The following CLSTN2 variants were observed in gnomAD, a reference collection of about 807,000 sequenced individuals.
The protein encoded by CLSTN2 is calsyntenin-2.
A neutral mutation model predicts 101.2 loss-of-function variants in CLSTN2; 48 were observed. The ratio of observed to expected loss-of-function variants is 0.47; its 90% CI spans 0.38 to 0.60. CLSTN2 has a LOEUF of 0.60. Among genes scored for constraint, CLSTN2 ranks in the 20% least tolerant of loss-of-function variants. CLSTN2 has a pLI of 0.00. For missense variants in CLSTN2, 1,160 were observed against 1,238.2 expected (o/e 0.94, Z 0.95); for synonymous variants, 481 against 463.6 (o/e 1.04, Z -0.48).
At chr3:140,366,952 G>C (rs2087798814) in intron 2 of CLSTN2, among the ~76,000 whole-genome samples, 3 of 152,190 alleles carry the variant, frequency 2.0e-5, no homozygotes, top group Non-Finnish European at 4.4e-5. Flanking sequence ...AGCATCTGCA[G>C]GAAGGCAGGC....
chr3:140,318,767 T>C (rs186491572), intron 2 of CLSTN2, among the ~76,000 whole-genome samples: 76 of 152,352 alleles, frequency 5.0e-4, no homozygotes, highest in African/African-American at 1.7e-3. Flanking sequence ...TTGGAAAGCA[T>C]ACTTTTAGTG....
intron 1 of CLSTN2, among the ~76,000 whole-genome samples, chr3:140,120,587 C>G (rs936122748): frequency 1.3e-5 from 2 of 152,232 alleles, no homozygotes; most frequent in Non-Finnish European, 2.9e-5. Context: ...TTCCAACCCT[C>G]TGATCCTGCC....
At chr3:139,970,547 T>C (rs957818926) in intron 1 of CLSTN2, among the ~76,000 whole-genome samples, 13 of 152,218 alleles carry the variant, frequency 8.5e-5, no homozygotes, top group South Asian at 4.1e-4. Context: ...GATCATTTAT[T>C]GCGTGCTCCT....
intron 8 of CLSTN2, among the ~76,000 whole-genome samples, chr3:140,492,754 C>G (rs147075805): frequency 1.3e-5 from 2 of 152,196 alleles, no homozygotes; most frequent in East Asian, 3.9e-4. Context: ...CCTACTATAT[C>G]CCCCAGAACT....
chr3:140,426,279 C>T (rs995835852), intron 5 of CLSTN2, among the ~76,000 whole-genome samples: 4 of 152,188 alleles, frequency 2.6e-5, no homozygotes, highest in African/African-American at 9.7e-5. Flanking sequence ...GCTCTCCCTC[C>T]TCCCTGCCAC....
chr3:140,369,632 G>T (rs1374536419), intron 2 of CLSTN2, among the ~76,000 whole-genome samples: 1 of 152,146 alleles, frequency 6.6e-6, no homozygotes, highest in African/African-American at 2.4e-5. Flanking sequence ...TTGGCCGCAT[G>T]AGTTGGAGCT....
chr3:139,951,485 A>G (rs1253038641), intron 1 of CLSTN2, among the ~76,000 whole-genome samples: 2 of 152,124 alleles, frequency 1.3e-5, no homozygotes, highest in Non-Finnish European at 2.9e-5. Context: ...GACCAAGCAA[A>G]AGGAGAATCA....
At chr3:140,359,044 C>T (rs2087701638) in intron 2 of CLSTN2, among the ~76,000 whole-genome samples, 1 of 152,086 alleles carries the variant, frequency 6.6e-6, no homozygotes, top group South Asian at 2.1e-4. Flanking sequence ...CAAAGTGTCA[C>T]CTCTCATCTG....
intron 1 of CLSTN2, among the ~76,000 whole-genome samples, chr3:139,985,582 C>G (rs978949137): frequency 6.6e-6 from 1 of 152,152 alleles, no homozygotes; most frequent in South Asian, 2.1e-4. Flanking sequence ...TATGTTCCCA[C>G]GTGCATTGTT....
At chr3:140,371,347 C>T (rs1472356783) in intron 2 of CLSTN2, among the ~76,000 whole-genome samples, 4 of 151,588 alleles carry the variant, frequency 2.6e-5, no homozygotes, top group African/African-American at 4.8e-5. Context: ...GATGGGAAAA[C>T]CTATTCACTG....
rs191984189 is a variant in CLSTN2 at position 140,416,460 on chromosome 3, T to C, written c.638-4665T>C. ...CTTGATCATGGTAGTTATTTAGTAA[T>C]GTATACATATATTAAAACATCACAT... On this transcript the variant is annotated intron_variant, in intron 4 of 16. Coordinates refer to ENST00000458420, the MANE Select transcript of CLSTN2 (RefSeq NM_022131.3). 6.6e-5 allele frequency among the ~76,000 whole-genome samples: 10 copies of C among 152,308 alleles called. No homozygotes were observed. In the East Asian group the frequency reaches 1.5e-3, roughly 23 times the overall value.
intron 7 of CLSTN2, among the ~76,000 whole-genome samples, chr3:140,462,538 G>C (rs1933588089): frequency 6.6e-6 from 1 of 152,182 alleles, no homozygotes; most frequent in Non-Finnish European, 1.5e-5. Flanking sequence ...CACTAAGTTT[G>C]TCTGGTGTAC....
chr3:139,982,921 C>T (rs1044675046), intron 1 of CLSTN2, among the ~76,000 whole-genome samples: 1 of 151,004 alleles, frequency 6.6e-6, no homozygotes, highest in African/African-American at 2.4e-5. Context: ...ATTACATAGA[C>T]TATACACATA....
intron 16 of CLSTN2, among the ~76,000 whole-genome samples, chr3:140,565,155 G>A (rs150540879): frequency 4.6e-5 from 7 of 152,338 alleles, no homozygotes; most frequent in African/African-American, 1.7e-4. Flanking sequence ...AGGCAAGAGT[G>A]TGCCTAACAA....
chr3:140,481,718 T>C (rs911127646), intron 8 of CLSTN2, among the ~76,000 whole-genome samples: 1 of 152,240 alleles, frequency 6.6e-6, no homozygotes, highest in Non-Finnish European at 1.5e-5. Context: ...CAATTGTGAA[T>C]GGGAGTTCAC....
intron 2 of CLSTN2, among the ~76,000 whole-genome samples, chr3:140,254,636 T>C (rs1359147581): frequency 6.6e-6 from 1 of 152,092 alleles, no homozygotes; most frequent in Admixed American, 6.6e-5. Flanking sequence ...ATGCAGAAGA[T>C]TGAAACTGGA....
intron 2 of CLSTN2, among the ~76,000 whole-genome samples, chr3:140,381,065 G>T (rs1321774015): frequency 1.3e-5 from 2 of 152,176 alleles, no homozygotes; most frequent in African/African-American, 4.8e-5. Flanking sequence ...CTATTGGCAG[G>T]GTCATGCTGC....
chr3:140,331,524 A>T (rs983260577), intron 2 of CLSTN2, among the ~76,000 whole-genome samples: 15 of 151,864 alleles, frequency 9.9e-5, no homozygotes, highest in Non-Finnish European at 1.9e-4. Context: ...AAAACAAAAG[A>T]CTCCTTTTCC....
At chr3:140,306,888 T>G (rs1487472744) in intron 2 of CLSTN2, among the ~76,000 whole-genome samples, 1 of 149,384 alleles carries the variant, frequency 6.7e-6, no homozygotes, top group Non-Finnish European at 1.5e-5. Context: ...ATTATTTATT[T>G]TTTCTTCTCT....
Sources: allele counts gnomAD v4.1 joint callset (sites outside exome capture counted in the v4.1 genomes callset), GRCh38; gene constraint gnomAD v4.1.1; transcripts MANE v1.5; gene names NCBI Gene and HGNC (gene_info 2026-07-23, HGNC 2026-07-21).